Variants in CDH13 observed in about 807,000 individuals in gnomAD.
CDH13 encodes cadherin 13.
A neutral mutation model predicts 63.8 loss-of-function variants in CDH13; 24 were observed. The ratio of observed to expected loss-of-function variants is 0.38; its 90% confidence interval spans 0.27 to 0.53. The LOEUF (loss-of-function observed/expected upper bound fraction) is 0.53. CDH13 is among the 20% of genes least tolerant of loss of function. The pLI is 0.85. For missense variants in CDH13, 1,049 were observed against 903.1 expected (o/e 1.16, Z -2.07); for synonymous variants, 503 against 355.3 (o/e 1.42, Z -4.67).
At chr16:82,874,970 A>G (rs940496339) in intron 2 of CDH13, among the ~76,000 whole-genome samples, 8 of 152,228 alleles carry the variant, frequency 5.3e-5, no homozygotes, top group African/African-American at 1.9e-4. Context: ...CAAAAGGGAC[A>G]TGGAGGCCAT....
At chr16:83,421,718 G>T (rs2071720376) in intron 6 of CDH13, among the ~76,000 whole-genome samples, 1 of 152,164 alleles carries the variant, frequency 6.6e-6, no homozygotes, top group Non-Finnish European at 1.5e-5. Context: ...TCCAGGCTTT[G>T]TTGTTAGCGT....
chr16:83,617,810 G>A (rs187993215), intron 8 of CDH13, among the ~76,000 whole-genome samples: 1 of 151,576 alleles, frequency 6.6e-6, no homozygotes, highest in African/African-American at 2.4e-5. Flanking sequence ...CATGTATTCT[G>A]TTCTAATATA....
intron 7 of CDH13, among the ~76,000 whole-genome samples, chr16:83,576,738 C>G (rs914620930): frequency 6.6e-6 from 1 of 152,172 alleles, no homozygotes; most frequent in Non-Finnish European, 1.5e-5. Flanking sequence ...ATAGTTTTGA[C>G]TTACATTTAT....
chr16:82,899,277 C>G (rs1024176381), intron 2 of CDH13, among the ~76,000 whole-genome samples: 2 of 152,192 alleles, frequency 1.3e-5, no homozygotes, highest in African/African-American at 2.4e-5. Flanking sequence ...TGTAATGCAT[C>G]TACCCATGGT....
rs139955979 is a variant in CDH13 at position 83,576,200 on chromosome 16, C to A, written c.961-26254C>A. Among the ~76,000 whole-genome samples the A allele has an allele frequency of 3.5e-3, 528 of 152,350 alleles. 1 individual carries two copies. The highest frequency in any genetic ancestry group is 5.7e-3 in the Non-Finnish European group (387 of 68,040). Reference sequence around the variant, plus strand: ...CCCAGTCCCTGGCTAAAAACAACCTCCTTTCTGTCTCTATGGATTTATCCA... The same window carrying A: ...CCCAGTCCCTGGCTAAAAACAACCTACTTTCTGTCTCTATGGATTTATCCA... On this transcript the variant is annotated intron_variant, in intron 7 of 13. Coordinates refer to ENST00000567109, the MANE Select transcript of CDH13 (RefSeq NM_001257.5).
chr16:82,719,845 CAAAAAAAAAAAAAA>C (rs34017657), intron 1 of CDH13, among the ~76,000 whole-genome samples: 1 of 88,206 alleles, frequency 1.1e-5, no homozygotes, highest in Non-Finnish European at 2.2e-5. Context: ...GACTCTGTCT[CAAAAAAAAAAAAAA>C]AAAAAAAAGG....
chr16:83,695,359 A>G (rs1000933304), intron 10 of CDH13, among the ~76,000 whole-genome samples: 4 of 152,288 alleles, frequency 2.6e-5, no homozygotes, highest in Middle Eastern at 3.4e-3. Flanking sequence ...CTTTGGGCCC[A>G]TTTCTTCTTC....
chr16:83,043,097 G>C (rs1233904368), intron 3 of CDH13, among the ~76,000 whole-genome samples: 2 of 152,140 alleles, frequency 1.3e-5, no homozygotes, highest in Non-Finnish European at 2.9e-5. Context: ...TCAATAATAG[G>C]CTGTTACATC....
intron 13 of CDH13, chr16:83,790,287 T>C (rs1290678026): frequency 6.6e-6 from 1 of 152,238 alleles, no homozygotes; most frequent in Non-Finnish European, 1.5e-5. Context: ...AGAGTTGAAC[T>C]GAAGGATCTG....
intron 1 of CDH13, among the ~76,000 whole-genome samples, chr16:82,757,654 T>G (rs1261536784): frequency 1.9e-5 from 2 of 102,620 alleles, no homozygotes; most frequent in African/African-American, 2.7e-5. Context: ...TTTGTTTTTT[T>G]TTTTTTTGGG....
intron 5 of CDH13, among the ~76,000 whole-genome samples, chr16:83,316,175 A>T (rs1231358381): frequency 6.6e-6 from 1 of 152,144 alleles, no homozygotes; most frequent in Admixed American, 6.5e-5. Flanking sequence ...CAAGAAGAGC[A>T]TGGGGGAACC....
intron 11 of CDH13, among the ~76,000 whole-genome samples, chr16:83,748,989 A>T (rs754073852): frequency 1.3e-5 from 2 of 152,132 alleles, no homozygotes; most frequent in Non-Finnish European, 2.9e-5. Context: ...CTAGGAGGGG[A>T]TGAGAAAAAG....
intron 11 of CDH13, among the ~76,000 whole-genome samples, chr16:83,773,549 G>T (rs1914901667): frequency 6.6e-6 from 1 of 152,138 alleles, no homozygotes; most frequent in African/African-American, 2.4e-5. Context: ...AGAACAGCAT[G>T]GGGGAAACCA....
intron 4 of CDH13, among the ~76,000 whole-genome samples, chr16:83,164,720 C>CAGAAA (rs1555506374): frequency 2.9e-5 from 4 of 138,772 alleles, no homozygotes. Flanking sequence ...GACTCTGTCT[C>CAGAAA]AAAAAAAGAA....
chr16:83,105,512 A>T (rs896619593), intron 3 of CDH13, among the ~76,000 whole-genome samples: 1 of 152,216 alleles, frequency 6.6e-6, no homozygotes, highest in Non-Finnish European at 1.5e-5. Context: ...TAAATGCCTC[A>T]GGTGTTAGGT....
At chr16:82,962,154 C>G (rs1227328410) in intron 2 of CDH13, among the ~76,000 whole-genome samples, 1 of 152,150 alleles carries the variant, frequency 6.6e-6, no homozygotes, top group Non-Finnish European at 1.5e-5. Flanking sequence ...ATCAAATAAT[C>G]CTGAATTATC....
chr16:82,977,283 C>G (rs1909647851), intron 2 of CDH13, among the ~76,000 whole-genome samples: 1 of 152,092 alleles, frequency 6.6e-6, no homozygotes, highest in South Asian at 2.1e-4. Flanking sequence ...ACCCTCAGCC[C>G]TGGGAGGCAC....
At chr16:83,108,697 C>G (rs896128999) in intron 3 of CDH13, among the ~76,000 whole-genome samples, 2 of 152,152 alleles carry the variant, frequency 1.3e-5, no homozygotes, top group Non-Finnish European at 2.9e-5. Context: ...CAGGGTTTTG[C>G]TGGGGACCCT....
intron 11 of CDH13, among the ~76,000 whole-genome samples, chr16:83,766,236 G>C (rs190574662): frequency 2.2e-4 from 34 of 152,248 alleles, no homozygotes; most frequent in Admixed American, 1.4e-3. Context: ...TTTGAATTTA[G>C]ACAGAGCCAC....
Sources: allele counts gnomAD v4.1 joint callset (sites outside exome capture counted in the v4.1 genomes callset), GRCh38; gene constraint gnomAD v4.1.1; transcripts MANE v1.5; gene names NCBI Gene and HGNC (gene_info 2026-07-23, HGNC 2026-07-21).